Variants in PC observed in about 807,000 individuals in gnomAD.
PC encodes the protein pyruvate carboxylase, also known as pyruvate carboxylase, mitochondrial.
In PC, 46 loss-of-function variants were observed where a neutral mutation model predicts 107.8. That is an observed-to-expected ratio of 0.43 (90% CI 0.34 to 0.55). The LOEUF is 0.55. Among genes scored for constraint, PC ranks in the 20% least tolerant of loss-of-function variants. PC has a pLI of 0.04. For synonymous variants in PC, 662 were observed against 684.7 expected (o/e 0.97, Z 0.52); for missense variants, 1,241 against 1,643.1 (o/e 0.76, Z 4.23).
intron 3 of PC, among the ~76,000 whole-genome samples, chr11:66,890,473 A>C: frequency 6.7e-6 from 1 of 149,336 alleles, no homozygotes; most frequent in East Asian, 1.9e-4. Flanking sequence ...CATCTCAAAA[A>C]ATAAATAAAT....
chr11:66,858,864 G>T lies in PC; in HGVS notation c.1368+4910C>A. 1 of 1,557,812 alleles carries T rather than the reference G, an allele frequency of 6.4e-7. No individual in the cohort carries two copies. On this transcript the variant is annotated intron_variant, in intron 12 of 22. Coordinates refer to ENST00000393960, the MANE Select transcript of PC (RefSeq NM_001040716.2). This position sits in a 1 kb window ranked among gnomAD's most constrained non-coding sequence, Gnocchi z 5.9. ...ACTGCGGGTGCTGGCCTTGCCCCAT[G>T]GTGGGAACAGCAGTGCCGAGGGGGG...
At chr11:66,881,555 C>T (rs970122582) in intron 3 of PC, among the ~76,000 whole-genome samples, 4 of 152,236 alleles carry the variant, frequency 2.6e-5, no homozygotes, top group African/African-American at 4.8e-5. Flanking sequence ...TCACCTGCCC[C>T]GCTCCTGACA....
intron 3 of PC, among the ~76,000 whole-genome samples, chr11:66,899,138 G>A (rs959132342): frequency 1.3e-5 from 2 of 152,106 alleles, no homozygotes; most frequent in African/African-American, 4.8e-5. Flanking sequence ...CCAAAGTGCT[G>A]GGATTACAGG....
At chr11:66,931,002 C>T (rs1203249632) in intron 3 of PC, among the ~76,000 whole-genome samples, 1 of 151,968 alleles carries the variant, frequency 6.6e-6, no homozygotes, top group African/African-American at 2.4e-5. Flanking sequence ...CAAAACCAGG[C>T]AAAATTCAAC....
chr11:66,896,602 C>T (rs1276866425), intron 3 of PC, among the ~76,000 whole-genome samples: 1 of 152,232 alleles, frequency 6.6e-6, no homozygotes, highest in Non-Finnish European at 1.5e-5. Flanking sequence ...TGGACAGCGC[C>T]GCTGGCTCCC....
intron 3 of PC, among the ~76,000 whole-genome samples, chr11:66,939,915 A>G (rs1187674492): frequency 6.6e-6 from 1 of 151,880 alleles, no homozygotes; most frequent in African/African-American, 2.4e-5. Context: ...CACCATATCC[A>G]TGACCTAAAC....
chr11:66,850,627 G>C, intron 18 of PC, 47 bp downstream of exon 18: 1 of 1,602,416 alleles, frequency 6.2e-7, no homozygotes, highest in Non-Finnish European at 8.5e-7. Context: ...ACTGGTGGTG[G>C]CTGCGGCTTT....
Position 66,866,086 on chromosome 11 carries a change from C to G in PC, c.1185+101G>C. On this transcript the variant is annotated intron_variant, in intron 11 of 22. Transcript: ENST00000393960. This position sits in a 1 kb window ranked among gnomAD's most constrained non-coding sequence, Gnocchi z 5.4. ...TTCAGAGCCCACATGCGGGTCCTCC[C>G]TAACTGCCGGGCTGTGGCAACTTGG... 4 of 1,367,484 alleles carry G rather than the reference C, an allele frequency of 2.9e-6. No individual in the cohort carries two copies. Among genetic ancestry groups the G allele is most frequent in the Non-Finnish European group, 4.1e-6 (4 of 987,398 alleles). 84.7% of individuals were successfully genotyped at this position (1,367,484 alleles called of 1,614,324 possible). A position where few individuals can be genotyped will look rare whatever the true frequency, so the allele number is the denominator to read the frequency against.
At position 66,849,100 on chromosome 11, in the gene PC, G is replaced by T. The variant is rs776196411; in HGVS notation, c.3336C>A (p.Ile1112=). The T allele has an allele frequency of 2.5e-6, 4 of 1,614,132 alleles. No homozygotes were observed. The highest frequency in any genetic ancestry group is 1.7e-5 in the Admixed American group (1 of 60,036). ...PKALKDVKGQ[I]GAPMPGKVID... The stretch of plus-strand genomic sequence containing the variant: ...TCACCTTCCCAGGCATGGGCGCCCC[G>T]ATCTGGCCCTTCACGTCCTTTAGGG... The change falls in exon 23 of 23, where the codon ATC becomes ATA. Residue 1112 remains isoleucine, a synonymous_variant. Transcript: ENST00000393960.
At chr11:66,859,108 C>T in intron 12 of PC, 1 of 1,482,656 alleles carries the variant, frequency 6.7e-7, no homozygotes, top group Non-Finnish European at 9.0e-7. Flanking sequence ...GGATGCGTGC[C>T]CCACACCCGG....
chr11:66,883,009 G>C (rs954330084), intron 3 of PC, among the ~76,000 whole-genome samples: 6 of 152,222 alleles, frequency 3.9e-5, no homozygotes, highest in African/African-American at 1.2e-4. Context: ...GACGGAAACA[G>C]ACACAGCACG....
chr11:66,945,287 A>G (rs1182009076), intron 3 of PC, among the ~76,000 whole-genome samples: 1 of 116,714 alleles, frequency 8.6e-6, no homozygotes, highest in Admixed American at 8.1e-5. Flanking sequence ...TGGTCAGAGA[A>G]AGCCTTGGGA....
intron 3 of PC, among the ~76,000 whole-genome samples, chr11:66,905,055 G>A (rs1473702716): frequency 6.6e-6 from 1 of 152,208 alleles, no homozygotes; most frequent in Non-Finnish European, 1.5e-5. Context: ...CTCATCAGAG[G>A]TATCAAGTGT....
chr11:66,908,929 C>G lies in PC; in HGVS notation c.1-36770G>C, dbSNP rs1948250464. On this transcript the variant is annotated intron_variant, in intron 3 of 22. Coordinates refer to ENST00000393960, the MANE Select transcript of PC (RefSeq NM_001040716.2). ...TTTCCGCCTCTTCTCTATCTTTTCC[C>G]AAGATGACAATAAGCAGCTTTCTGC... is the stretch of plus-strand genomic sequence containing the variant. Among the ~76,000 whole-genome samples the G allele has an allele frequency of 2.0e-5, 3 of 152,170 alleles. No homozygotes were observed. The South Asian group carries it at 6.2e-4, about 32-fold the overall frequency.
At position 66,852,353 on chromosome 11, in the gene PC, G is replaced by C. The variant is rs1945550809; in HGVS notation, c.1825+86C>G. 1 of 1,102,944 alleles carries C rather than the reference G, an allele frequency of 9.1e-7. No individual in the cohort carries two copies. Among genetic ancestry groups the C allele is most frequent in the Non-Finnish European group, 1.4e-6 (1 of 718,944 alleles). The allele number at this position is 1,102,944 out of a possible 1,614,324, so 68.3% of individuals were successfully genotyped here. A position where few individuals can be genotyped will look rare whatever the true frequency, so the allele number is the denominator to read the frequency against. ...GGTGTTCTTCGTGTCAGCGTCTCTAGCTTGTCCCCAGTGGCCTAAGCCTGT... is the reference window on the plus strand; with the variant it reads ...GGTGTTCTTCGTGTCAGCGTCTCTACCTTGTCCCCAGTGGCCTAAGCCTGT... On this transcript the variant is annotated intron_variant, in intron 15 of 22. Transcript: ENST00000393960. The surrounding 1 kb of genome is among the most constrained non-coding windows in gnomAD (Gnocchi z 4.7).
chr11:66,901,339 G>A (rs1279519297), intron 3 of PC, among the ~76,000 whole-genome samples: 1 of 152,198 alleles, frequency 6.6e-6, no homozygotes, highest in Non-Finnish European at 1.5e-5. Context: ...AACGTGGGGT[G>A]TGCCTTCCTC....
In PC at chr11:66,859,754, C is replaced by T. The variant is rs201403726; in HGVS notation, c.1368+4020G>A. ...CTGGGCCCTCTGACCTCACGGCCAC[C>T]AGGCTGCTGGGCTGTGCCCATTTCT... is the stretch of plus-strand genomic sequence containing the variant. On this transcript the variant is annotated intron_variant, in intron 12 of 22. Transcript: ENST00000393960. The T allele has an allele frequency of 7.0e-5, 112 of 1,608,688 alleles. 1 individual carries two copies. In the African/African-American group the frequency reaches 1.3e-3, roughly 19 times the overall value.
intron 3 of PC, among the ~76,000 whole-genome samples, chr11:66,897,617 G>T (rs1947805054): frequency 6.6e-6 from 1 of 152,086 alleles, no homozygotes; most frequent in Non-Finnish European, 1.5e-5. Context: ...CATGCGAAAA[G>T]CTATCCTCCT....
chr11:66,911,823 G>A (rs910678137), intron 3 of PC, among the ~76,000 whole-genome samples: 1 of 152,078 alleles, frequency 6.6e-6, no homozygotes, highest in Admixed American at 6.6e-5. Context: ...ATAAGGTCAG[G>A]AGTTCGAGAC....
Sources: gnomAD v4.1 joint callset for allele counts (sites outside exome capture counted in the v4.1 genomes callset) on GRCh38, gnomAD v4.1.1 for gene constraint, Gnocchi (gnomAD v3.1) non-coding constraint, MANE v1.5 for transcripts, NCBI Gene and HGNC (gene_info 2026-07-23, HGNC 2026-07-21) for gene names.